The following NIPSNAP3B variants were observed in gnomAD, a reference collection of about 807,000 sequenced individuals.
The protein encoded by NIPSNAP3B is nipsnap homolog 3B.
A neutral mutation model predicts 31.5 loss-of-function variants in NIPSNAP3B; 30 were observed. The ratio of observed to expected loss-of-function variants is 0.95; its 90% CI spans 0.71 to 1.29. The LOEUF (loss-of-function observed/expected upper bound fraction) is 1.29, where lower values mean the gene tolerates loss of function less well. Ranked by LOEUF, NIPSNAP3B falls within the 50% of genes most tolerant of loss-of-function variation. NIPSNAP3B has a pLI of 0.00. For synonymous variants in NIPSNAP3B, 106 were observed against 107.9 expected (o/e 0.98, Z 0.11); for missense variants, 269 against 300.7 (o/e 0.89, Z 0.78).
At chr9:104,778,314 T>C (rs969496139), downstream of NIPSNAP3B, among the ~76,000 whole-genome samples, 2 of 152,206 alleles carry the variant, frequency 1.3e-5, no homozygotes, top group African/African-American at 4.8e-5. Context: ...CACTGAAACC[T>C]CCGCCTCCCA....
At chr9:104,772,672 G>A in intron 4 of NIPSNAP3B, 150 bp from the exon 5 acceptor site, 1 of 930,392 alleles carries the variant, frequency 1.1e-6, no homozygotes, top group Non-Finnish European at 1.7e-6. Context: ...CCAAATTTCT[G>A]ATCCCTCTGA....
rs146813577 is a variant in NIPSNAP3B, at chr9:104,768,969, G to A, written c.378G>A (p.Thr126=). ...TGGCTCGCATTGATAAACAAGAGAC[G>A]GAAATTACTTACCTGATACCATGGT... ...PNLARIDKQE[T]EITYLIPWSK... The change falls in exon 3 of 6, where the codon ACG becomes ACA. Residue 126 remains threonine (T), a synonymous_variant. Transcript: ENST00000374762. 9 of 1,613,710 alleles carry A rather than the reference G, an allele frequency of 5.6e-6. No individual in the cohort carries two copies. The highest frequency in any genetic ancestry group is 2.7e-5 in the African/African-American group (2 of 74,892).
At chr9:104,784,050 G>T in the NIPSNAP3B span, 2 of 402,400 alleles carry the variant, frequency 5.0e-6, no homozygotes, top group Non-Finnish European at 9.1e-6. Flanking sequence ...TTCCATAATA[G>T]AGTTTCACAT....
chr9:104,771,100 T>TA (rs758068104), intron 4 of NIPSNAP3B, 102 bp downstream of exon 4: 4 of 1,068,172 alleles, frequency 3.7e-6, no homozygotes, highest in Non-Finnish European at 5.4e-6. Context: ...TCCAAATTTT[T>TA]AGAGTTTGTT....
rs766429739 is a variant in NIPSNAP3B at position 104,772,857 on chromosome 9, C to T, written c.616C>T (p.Arg206Cys). The change falls in exon 5 of 6, where the codon CGT (arginine) becomes TGT (cysteine). Residue 206 changes from arginine (R) to cysteine (C), a missense_variant. By Grantham distance (180) the Arg-to-Cys change is radical (BLOSUM62 -3). Coordinates refer to ENST00000374762, the MANE Select transcript of NIPSNAP3B (RefSeq NM_018376.4). ...TTGGTGGAATGAGAGTGCAGATAGTCGTGCAGCTGGGAGACATAAGTCCCA... is the reference window on the plus strand; with the variant it reads ...TTGGTGGAATGAGAGTGCAGATAGTTGTGCAGCTGGGAGACATAAGTCCCA... Reference protein sequence around the residue: ...VLWWNESADSRAAGRHKSHED... With the variant: ...VLWWNESADSCAAGRHKSHED... 1.2e-5 allele frequency: 19 copies of T among 1,613,374 alleles called. No homozygotes were observed. The highest frequency in any genetic ancestry group is 2.7e-5 in the African/African-American group (2 of 74,910).
At position 104,775,232 on chromosome 9, in the gene NIPSNAP3B, T is replaced by A. The variant is rs1041905782; in HGVS notation, c.*2159T>A. Among the ~76,000 whole-genome samples the A allele has an allele frequency of 2.0e-5, 3 of 152,080 alleles. No individual in the cohort carries two copies. The highest frequency in any genetic ancestry group is 7.2e-5 in the African/African-American group (3 of 41,418). ...GAGTAAAATCACCCCATTTTTTTCC[T>A]TTACAATATGACTCAAAAGAGTAGT... On this transcript the variant is annotated 3_prime_UTR_variant, in exon 6 of 6. Coordinates refer to ENST00000374762, the MANE Select transcript of NIPSNAP3B (RefSeq NM_018376.4).
intron 1 of NIPSNAP3B, 51 bp downstream of exon 1, chr9:104,764,351 G>A (rs1171479081): frequency 1.4e-6 from 2 of 1,465,042 alleles, no homozygotes; most frequent in Admixed American, 2.2e-5. Flanking sequence ...GAGGGGAGGG[G>A]CGGGGGGTAT....
At chr9:104,784,475 G>C in the NIPSNAP3B span, 7 of 1,613,826 alleles carry the variant, frequency 4.3e-6, no homozygotes, top group South Asian at 7.7e-5. Flanking sequence ...GATTAAGATG[G>C]ACCTTTATAA....
In NIPSNAP3B at chr9:104,764,301, G is replaced by A. The variant is rs1440973813; in HGVS notation, c.60+1G>A. Reference sequence around the variant, plus strand: ...TGCCTCACGGACGCTCGCGCCTCAGGTACTGGCCGCGGGGGCGCGCCCGAG... The same window carrying A: ...TGCCTCACGGACGCTCGCGCCTCAGATACTGGCCGCGGGGGCGCGCCCGAG... On this transcript the variant is annotated splice_donor_variant, in intron 1 of 5. Transcript: ENST00000374762. LOFTEE classifies it high-confidence loss of function. The A allele has an allele frequency of 2.5e-6, 4 of 1,581,952 alleles. No individual in the cohort carries two copies. Among genetic ancestry groups the A allele is most frequent in the Non-Finnish European group, 2.6e-6 (3 of 1,166,542 alleles).
downstream of NIPSNAP3B, among the ~76,000 whole-genome samples, chr9:104,779,534 G>A (rs914046786): frequency 6.6e-6 from 1 of 151,826 alleles, no homozygotes; most frequent in Non-Finnish European, 1.5e-5. Context: ...TATGTAAAAT[G>A]GTACTTTTTA....
chr9:104,788,604 G>A, the NIPSNAP3B span: 1 of 1,612,398 alleles, frequency 6.2e-7, no homozygotes, highest in African/African-American at 1.3e-5. Flanking sequence ...ATTTTAAGCA[G>A]GTAGAGATAC....
At chr9:104,769,103 GA>G in intron 3 of NIPSNAP3B, 82 bp downstream of exon 3, 4 of 975,078 alleles carry the variant, frequency 4.1e-6, no homozygotes, top group Admixed American at 2.7e-5. Flanking sequence ...AGTTCTATAG[GA>G]AAAAAATATA....
At chr9:104,782,943 T>C in the NIPSNAP3B span, 1 of 152,430 alleles carries the variant, frequency 6.6e-6, no homozygotes, top group African/African-American at 2.4e-5. Context: ...CTGAATAACA[T>C]GGCACAGGAA....
downstream of NIPSNAP3B, among the ~76,000 whole-genome samples, chr9:104,777,890 A>G (rs1828369897): frequency 6.6e-6 from 1 of 152,188 alleles, no homozygotes; most frequent in African/African-American, 2.4e-5. Flanking sequence ...CATCCTTGTC[A>G]TGCTGAAATG....
chr9:104,789,370 T>G, the NIPSNAP3B span, among the ~76,000 whole-genome samples: 11 of 152,340 alleles, frequency 7.2e-5, no homozygotes, highest in African/African-American at 2.4e-4. Context: ...AGGAAAGCAG[T>G]TGTGCAGCGC....
the NIPSNAP3B span, among the ~76,000 whole-genome samples, chr9:104,790,096 C>CAA: frequency 0.057 from 7,685 of 135,276 alleles, 462 homozygotes; most frequent in African/African-American, 0.15. Context: ...AACTCCGTCT[C>CAA]AAAAAAAAAA....
the NIPSNAP3B span, chr9:104,786,298 C>G: frequency 6.2e-7 from 1 of 1,612,186 alleles, no homozygotes; most frequent in South Asian, 1.1e-5. Flanking sequence ...TCTTTATTAC[C>G]TATTTTTTAG....
chr9:104,780,805 T>A (rs1828491374), downstream of NIPSNAP3B, among the ~76,000 whole-genome samples: 1 of 152,230 alleles, frequency 6.6e-6, no homozygotes, highest in Non-Finnish European at 1.5e-5. Flanking sequence ...TACCAGTTAC[T>A]CAGTATCTTA....
At position 104,766,346 on chromosome 9, in the gene NIPSNAP3B, G is replaced by A. The variant is rs527249516; in HGVS notation, c.82G>A (p.Gly28Ser). The change falls in exon 2 of 6, where the codon GGC (glycine) becomes AGC (serine). Residue 28 changes from glycine to serine, a missense_variant. Gly to Ser is a moderately conservative substitution (Grantham distance 56). Transcript: ENST00000374762. ...TCAGGTGTGTTCATCTTTTGCTACG[G>A]GCCCTAGACAATACGATGGAACGTT... ...APQVCSSFAT[G>S]PRQYDGTFYE... The A allele has an allele frequency of 5.0e-6, 8 of 1,613,424 alleles. No individual in the cohort carries two copies. In the African/African-American group the frequency reaches 1.1e-4, roughly 22 times the overall value.
Sources: gnomAD v4.1 joint callset for allele counts (sites outside exome capture counted in the v4.1 genomes callset) on GRCh38, gnomAD v4.1.1 for gene constraint, MANE v1.5 for transcripts, NCBI Gene and HGNC (gene_info 2026-07-23, HGNC 2026-07-21) for gene names.